LOXL4: variants seen among roughly 807,000 people sequenced by gnomAD.
The protein encoded by LOXL4 is lysyl oxidase homolog 4.
In LOXL4, 72 loss-of-function variants were observed where a neutral mutation model predicts 89.1. The ratio of observed to expected loss-of-function variants is 0.81; its 90% CI spans 0.67 to 0.98. The LOEUF is 0.98. LOXL4 is among the 50% of genes least tolerant of loss of function. The pLI is 0.00. For missense variants in LOXL4, 984 were observed against 1,017.5 expected, an observed-to-expected ratio of 0.97 and a Z score of 0.45; for synonymous variants, 355 against 392.1, an observed-to-expected ratio of 0.91 and a Z score of 1.12.
rs763696575 is a variant in LOXL4 at position 98,262,088 on chromosome 10, G to A, written c.403C>T (p.Arg135Trp). The A allele has an allele frequency of 8.7e-6, 14 of 1,611,804 alleles. No homozygotes were observed. The East Asian group carries it at 1.6e-4, about 18-fold the overall frequency. Residue 135 changes from arginine (R) to tryptophan (W), a missense_variant, in exon 3 of 15, where the codon CGG becomes TGG. Physicochemically the swap from Arg to Trp is moderately radical, Grantham distance 101. Transcript: ENST00000260702. Reference protein sequence around the residue: ...SEDVGVICHPRRHRGYLSETV... With the variant: ...SEDVGVICHPWRHRGYLSETV... ...TCAGAAAGGTAGCCACGATGGCGCC[G>A]GGGGTGGCATATCACCCCTACGTCT...
At position 98,265,953 on chromosome 10, in the gene LOXL4, C is replaced by T. The variant is rs1292843493; in HGVS notation, c.-33+2179G>A. 2.0e-5 allele frequency among the ~76,000 whole-genome samples: 3 copies of T among 152,216 alleles called. No homozygotes were observed. In the East Asian group the frequency reaches 5.8e-4, roughly 29 times the overall value. Reference sequence around the variant, plus strand: ...CCTTCCCATTCTCACCTCTGCAGCTCTCCCCCTCTGACCCCTCCCACGCTT... The same window carrying T: ...CCTTCCCATTCTCACCTCTGCAGCTTTCCCCCTCTGACCCCTCCCACGCTT... On this transcript the variant is annotated intron_variant, in intron 1 of 14. Transcript: ENST00000260702.
At chr10:98,267,242 G>A (rs536563690) in intron 1 of LOXL4, among the ~76,000 whole-genome samples, 34 of 152,126 alleles carry the variant, frequency 2.2e-4, no homozygotes, top group Non-Finnish European at 3.2e-4. Context: ...GCCGGGAGCC[G>A]ACTGAAATTC....
At chr10:98,250,978 G>A (rs773208500) in intron 14 of LOXL4, 87 bp downstream of exon 14, 69 of 915,852 alleles carry the variant, frequency 7.5e-5, no homozygotes, top group Admixed American at 5.1e-4. Context: ...CAAGTCACAC[G>A]CTGGAGTGTG....
chr10:98,259,705 G>T (rs553266305), intron 4 of LOXL4, among the ~76,000 whole-genome samples: 5 of 152,316 alleles, frequency 3.3e-5, no homozygotes, highest in African/African-American at 1.2e-4. Context: ...CAGAGGAAGG[G>T]GAGCATTTAG....
In LOXL4 at chr10:98,253,718, T is replaced by C; in HGVS notation, c.1670A>G (p.Tyr557Cys). 1 of 1,614,210 alleles carries C rather than the reference T, an allele frequency of 6.2e-7. No homozygotes were observed. Among genetic ancestry groups the C allele is most frequent in the Non-Finnish European group, 8.5e-7 (1 of 1,180,048 alleles). ...GAGGCAGTTCTCCTCGTGGGCACAA[T>C]ACAGCTGGCTGAGCGGGCGGTCCTC... Reference protein sequence around the residue: ...YLEDRPLSQLYCAHEENCLSK... With the variant: ...YLEDRPLSQLCCAHEENCLSK... The change falls in exon 11 of 15, where the codon TAT becomes TGT. Residue 557 changes from tyrosine (Y) to cysteine (C), a missense_variant. Physicochemically the swap from Tyr to Cys is radical, Grantham distance 194. Transcript: ENST00000260702.
chr10:98,255,896 TC>T, intron 9 of LOXL4, 157 bp from the exon 10 acceptor site: 1 of 777,948 alleles, frequency 1.3e-6, no homozygotes, highest in Non-Finnish European at 2.0e-6. Context: ...CCTGGGGCAG[TC>T]CATGACACAT....
At position 98,262,066 on chromosome 10, in the gene LOXL4, G is replaced by A; in HGVS notation, c.425C>T (p.Ser142Phe). Residue 142 changes from serine (S) to phenylalanine (F), a missense_variant, in exon 3 of 15, where the codon TCT becomes TTT. Coordinates refer to ENST00000260702, the MANE Select transcript of LOXL4 (RefSeq NM_032211.7). ...CCCAAGGGCATTGGAGACAGTTTCA[G>A]AAAGGTAGCCACGATGGCGCCGGGG... Reference protein sequence around the residue: ...CHPRRHRGYLSETVSNALGPQ... With the variant: ...CHPRRHRGYLFETVSNALGPQ... The A allele has an allele frequency of 6.2e-7, 1 of 1,611,956 alleles. No homozygotes were observed. The highest frequency in any genetic ancestry group is 8.5e-7 in the Non-Finnish European group (1 of 1,179,346).
chr10:98,251,318 A>G (rs1299229997), intron 13 of LOXL4, 142 bp from the exon 14 acceptor site: 1 of 809,350 alleles, frequency 1.2e-6, no homozygotes, highest in East Asian at 2.7e-5. Flanking sequence ...TGATGTTCCC[A>G]TTTTACAGAT....
chr10:98,258,140 C>T lies in LOXL4; in HGVS notation c.946G>A (p.Gly316Arg), dbSNP rs777249008. Residue 316 changes from glycine (G) to arginine (R), a missense_variant, in exon 7 of 15, where the codon GGG becomes AGG. Transcript: ENST00000260702. ...ACCCGGCCCTCGCCCACCTGGGCCC[C>T]GGAGCGCAGGCGCACCCTCGGCTCC... ...AEEPRVRLRSGAQVGEGRVEV... is the reference protein window; with the variant it reads ...AEEPRVRLRSRAQVGEGRVEV... The T allele has an allele frequency of 1.3e-5, 21 of 1,612,460 alleles. No homozygotes were observed. The highest frequency in any genetic ancestry group is 3.3e-5 in the Admixed American group (2 of 59,960).
rs1212539199 is a variant in LOXL4 at position 98,262,798 on chromosome 10, C to T, written c.222G>A (p.Leu74=). The part of the protein sequence containing the change: ...IQEATVACRQ[L]GFEAALTWAH... Reference sequence around the variant, plus strand: ...CCCAGGTCAAGGCAGCTTCGAAGCCCAGCTGGCGGCAAGCCACTGTGGCCT... The same window carrying T: ...CCCAGGTCAAGGCAGCTTCGAAGCCTAGCTGGCGGCAAGCCACTGTGGCCT... The change falls in exon 2 of 15, where the codon CTG becomes CTA. Residue 74 remains leucine, a synonymous_variant. Transcript: ENST00000260702. 4 of 1,613,420 alleles carry T rather than the reference C, an allele frequency of 2.5e-6. No homozygotes were observed. The highest frequency in any genetic ancestry group is 3.4e-6 in the Non-Finnish European group (4 of 1,180,036).
chr10:98,262,612 C>T (rs1349499387), intron 2 of LOXL4, 131 bp downstream of exon 2: 5 of 1,152,258 alleles, frequency 4.3e-6, no homozygotes, highest in Middle Eastern at 3.0e-4. Context: ...GCAGCTGAGG[C>T]ACTCAGGAAA....
intron 11 of LOXL4, among the ~76,000 whole-genome samples, chr10:98,252,899 A>C (rs2135825962): frequency 6.6e-6 from 1 of 152,346 alleles, no homozygotes; most frequent in Non-Finnish European, 1.5e-5. Context: ...TGTTCATGCT[A>C]CAGGGAAAGG....
intron 1 of LOXL4, among the ~76,000 whole-genome samples, chr10:98,264,455 G>A (rs1389166974): frequency 6.6e-6 from 1 of 151,388 alleles, no homozygotes; most frequent in African/African-American, 2.4e-5. Context: ...ATGGAGGGAC[G>A]AGCTGGGGCC....
chr10:98,249,306 T>C (rs888347635), intron 14 of LOXL4, among the ~76,000 whole-genome samples: 1 of 152,204 alleles, frequency 6.6e-6, no homozygotes, highest in East Asian at 1.9e-4. Context: ...TCTGGCTCCT[T>C]TGTCCTCTTT....
Position 98,252,379 on chromosome 10 carries a change from C to T in LOXL4, c.1925G>A (p.Cys642Tyr). 1 of 1,614,064 alleles carries T rather than the reference C, an allele frequency of 6.2e-7. No homozygotes were observed. Among genetic ancestry groups the T allele is most frequent in the African/African-American group, 1.3e-5 (1 of 75,052 alleles). Residue 642 changes from cysteine (C) to tyrosine (Y), a missense_variant, in exon 12 of 15, where the codon TGT becomes TAT. Transcript: ENST00000260702. ...TGTGGGGCAGTTTGTGTCCTCCAGA[C>T]AGAAGCTGGCCTTGTGCCCCTCAGC... ...KVAEGHKASF[C>Y]LEDTNCPTGL... is the part of the protein sequence containing the mutation.
chr10:98,253,482 G>A (rs1045893931), intron 11 of LOXL4, 71 bp downstream of exon 11: 21 of 1,602,688 alleles, frequency 1.3e-5, no homozygotes, highest in Non-Finnish European at 1.8e-5. Flanking sequence ...GCCAGGGAAG[G>A]GCCAAACTGC....
intron 11 of LOXL4, among the ~76,000 whole-genome samples, chr10:98,252,775 G>A (rs189609349): frequency 6.6e-6 from 1 of 152,340 alleles, no homozygotes; most frequent in Non-Finnish European, 1.5e-5. Flanking sequence ...TGGGGGGAGA[G>A]GCGGGGCACC....
chr10:98,251,739 C>T (rs375111739), intron 12 of LOXL4, 37 bp from the exon 13 acceptor site: 125 of 1,610,778 alleles, frequency 7.8e-5, no homozygotes, highest in Admixed American at 3.2e-4. Flanking sequence ...TGAGGCAGGA[C>T]GAAGCACTCT....
intron 1 of LOXL4, among the ~76,000 whole-genome samples, chr10:98,265,412 A>ATTT (rs1858659664): frequency 2.0e-5 from 1 of 49,982 alleles, no homozygotes; most frequent in Non-Finnish European, 4.8e-5. Context: ...TATTATTATT[A>ATTT]TTATTTTTGA....
Sources: gnomAD v4.1 joint callset for allele counts (sites outside exome capture counted in the v4.1 genomes callset) on GRCh38, gnomAD v4.1.1 for gene constraint, MANE v1.5 for transcripts, NCBI Gene and HGNC (gene_info 2026-07-23, HGNC 2026-07-21) for gene names.